The following SEMA5B variants were observed in gnomAD, a reference collection of about 807,000 sequenced individuals.
SEMA5B encodes the protein semaphorin-5B.
SEMA5B carries 66 observed loss-of-function variants against 135.0 expected under a neutral mutation model. That is an observed-to-expected ratio of 0.49 (90% confidence interval 0.40 to 0.60). SEMA5B has a LOEUF of 0.60. SEMA5B is among the 20% of genes least tolerant of loss of function. The pLI is 0.00. For synonymous variants in SEMA5B, 690 were observed against 639.5 expected, an observed-to-expected ratio of 1.08 and a Z score of -1.19; for missense variants, 1,501 against 1,566.3, an observed-to-expected ratio of 0.96 and a Z score of 0.70.
intron 1 of SEMA5B, among the ~76,000 whole-genome samples, chr3:123,023,229 G>A (rs778432772): frequency 2.6e-5 from 4 of 152,004 alleles, no homozygotes; most frequent in Non-Finnish European, 4.4e-5. Context: ...GTTAAGTGTT[G>A]TCATAAATTT....
intron 9 of SEMA5B, among the ~76,000 whole-genome samples, chr3:122,926,011 A>G (rs1938612527): frequency 6.6e-6 from 1 of 152,174 alleles, no homozygotes; most frequent in Non-Finnish European, 1.5e-5. Context: ...GATTGAGCAG[A>G]ATCACATAGT....
At chr3:122,939,752 C>T (rs898141682) in intron 4 of SEMA5B, among the ~76,000 whole-genome samples, 4 of 152,222 alleles carry the variant, frequency 2.6e-5, no homozygotes, top group African/African-American at 9.6e-5. Context: ...CCAGACTTTC[C>T]TCCAAGTTCC....
At chr3:123,016,194 G>A (rs1051056854) in intron 1 of SEMA5B, among the ~76,000 whole-genome samples, 2 of 152,196 alleles carry the variant, frequency 1.3e-5, no homozygotes, top group Non-Finnish European at 2.9e-5. Context: ...GCTGTGAGGG[G>A]ACACAGAGGA....
At chr3:122,948,891 T>C (rs1158527591) in intron 2 of SEMA5B, among the ~76,000 whole-genome samples, 182 bp from the exon 3 acceptor site, 2 of 152,262 alleles carry the variant, frequency 1.3e-5, no homozygotes, top group African/African-American at 4.8e-5. Flanking sequence ...TGAAAGCTAA[T>C]TTCCCTTGTA....
chr3:122,991,345 C>G (rs1016171297), intron 1 of SEMA5B, among the ~76,000 whole-genome samples: 9 of 152,022 alleles, frequency 5.9e-5, no homozygotes, highest in Non-Finnish European at 1.2e-4. Context: ...ACATGAGGGC[C>G]CAAGGAGAAG....
chr3:122,922,008 C>T lies in SEMA5B; in HGVS notation c.1595G>A (p.Arg532His). 1 of 1,522,632 alleles carries T rather than the reference C, an allele frequency of 6.6e-7. No homozygotes were observed. The highest frequency in any genetic ancestry group is 2.1e-5 in the Admixed American group (1 of 47,290). The allele number at this position is 1,522,632 out of a possible 1,614,324, so 94.3% of individuals were successfully genotyped here. The change falls in exon 12 of 23, where the codon CGC becomes CAC. Residue 532 changes from arginine (R) to histidine (H), a missense_variant. Arg to His is a conservative substitution (Grantham distance 29). Transcript: ENST00000357599. The stretch of plus-strand genomic sequence containing the variant: ...GAGCGCGCGGGCGCTGTGCAGGATG[C>T]GCAGGCTGCGCAGGGGCTCGCGGCG... ...PGRREPLRSL[R>H]ILHSARALFV...
rs1941110827 is a variant in SEMA5B, at chr3:122,971,475, T to C, written c.-38-10174A>G. 3.3e-5 allele frequency among the ~76,000 whole-genome samples: 5 copies of C among 152,386 alleles called. No individual in the cohort carries two copies. In the South Asian group the frequency reaches 8.3e-4, roughly 25 times the overall value. On this transcript the variant is annotated intron_variant, in intron 1 of 22. Transcript: ENST00000357599. ...GCAGCCAGCCTTGAGAAGGGAGATG[T>C]GGCAGGTGATAATTCTGCTTCAGGT...
At chr3:122,954,312 G>A (rs919076839) in intron 2 of SEMA5B, among the ~76,000 whole-genome samples, 1 of 152,224 alleles carries the variant, frequency 6.6e-6, no homozygotes, top group African/African-American at 2.4e-5. Context: ...CAGCTTTCCA[G>A]TTCCCTGTTC....
Position 122,913,353 on chromosome 3 carries a change from G to T in SEMA5B, c.2352C>A (p.Pro784=), listed in dbSNP as rs139416658. 1 of 1,581,444 alleles carries T rather than the reference G, an allele frequency of 6.3e-7. No individual in the cohort carries two copies. The highest frequency in any genetic ancestry group is 8.5e-7 in the Non-Finnish European group (1 of 1,170,610). The stretch of plus-strand genomic sequence containing the variant: ...GTGCCCCGCCCTGCGTCACGTTCAC[G>T]GGCAGCCACGGCGTCCAGGGGGTGT... ...RRNTPWTPWL[P]VNVTQGGARQ... The change falls in exon 17 of 23, where the codon CCC becomes CCA. Residue 784 remains proline, a synonymous_variant. Transcript: ENST00000357599.
chr3:122,921,061 C>T (rs1053896736), intron 12 of SEMA5B, among the ~76,000 whole-genome samples: 2 of 152,162 alleles, frequency 1.3e-5, no homozygotes, highest in Admixed American at 6.5e-5. Flanking sequence ...TGCCCAGCTC[C>T]GAGCACACCC....
chr3:122,917,049 G>C (rs964953970), intron 12 of SEMA5B, among the ~76,000 whole-genome samples: 1 of 152,340 alleles, frequency 6.6e-6, no homozygotes, highest in African/African-American at 2.4e-5. Flanking sequence ...GGGAGAAAAA[G>C]TCTGTGGGGA....
At chr3:122,951,513 T>A (rs1478121927) in intron 2 of SEMA5B, among the ~76,000 whole-genome samples, 1 of 152,238 alleles carries the variant, frequency 6.6e-6, no homozygotes, top group Non-Finnish European at 1.5e-5. Flanking sequence ...AACATTTGTC[T>A]AACTTGTCGC....
intron 5 of SEMA5B, among the ~76,000 whole-genome samples, chr3:122,936,910 T>G (rs1939316532): frequency 1.3e-5 from 2 of 152,240 alleles, no homozygotes; most frequent in African/African-American, 4.8e-5. Flanking sequence ...TTTACATAAA[T>G]TGTTTAATAG....
At chr3:123,017,049 G>A (rs1013491712) in intron 1 of SEMA5B, among the ~76,000 whole-genome samples, 4 of 151,708 alleles carry the variant, frequency 2.6e-5, no homozygotes, top group Admixed American at 1.3e-4. Flanking sequence ...CCACCACCAC[G>A]CCCGGCTAAT....
intron 1 of SEMA5B, among the ~76,000 whole-genome samples, chr3:123,003,834 CAATA>C (rs10571905): frequency 0.69 from 101,065 of 146,506 alleles, 34,396 homozygotes; most frequent in East Asian, 0.89. Context: ...ACTCTTATCT[CAATA>C]AATAAATAAA....
intron 1 of SEMA5B, among the ~76,000 whole-genome samples, chr3:122,963,686 G>C (rs942278652): frequency 1.3e-5 from 2 of 152,150 alleles, no homozygotes; most frequent in Non-Finnish European, 2.9e-5. Context: ...CAGAGAACAC[G>C]GGGCATCGGG....
At chr3:122,950,156 G>A (rs1046594307) in intron 2 of SEMA5B, among the ~76,000 whole-genome samples, 5 of 152,158 alleles carry the variant, frequency 3.3e-5, no homozygotes, top group Admixed American at 3.3e-4. Flanking sequence ...ACAAACAAGG[G>A]CTTAAAATAT....
intron 1 of SEMA5B, among the ~76,000 whole-genome samples, chr3:122,967,408 G>T (rs1159593994): frequency 6.6e-6 from 1 of 152,168 alleles, no homozygotes; most frequent in Non-Finnish European, 1.5e-5. Context: ...AGAAAGAGTA[G>T]CAGGTGCTGT....
chr3:123,016,024 A>G (rs1942546485), intron 1 of SEMA5B, among the ~76,000 whole-genome samples: 1 of 152,204 alleles, frequency 6.6e-6, no homozygotes, highest in South Asian at 2.1e-4. Context: ...ACCCAGGTCC[A>G]CTGGAGGGAA....
Sources: gnomAD v4.1 joint callset for allele counts (sites outside exome capture counted in the v4.1 genomes callset) on GRCh38, gnomAD v4.1.1 for gene constraint, MANE v1.5 for transcripts, NCBI Gene and HGNC (gene_info 2026-07-23, HGNC 2026-07-21) for gene names.